Variants in ACP3 observed in about 807,000 individuals in gnomAD.
The protein encoded by ACP3 is prostatic acid phosphatase.
In ACP3, 38 loss-of-function variants were observed where a neutral mutation model predicts 45.6. The observed-to-expected ratio is 0.83, with a 90% CI of 0.64 to 1.09. ACP3 has a LOEUF of 1.09. ACP3 is among the 50% of genes least tolerant of loss of function. The pLI, the probability that ACP3 is intolerant of heterozygous loss-of-function variation, is 0.00. For synonymous variants in ACP3, 162 were observed against 164.7 expected, an observed-to-expected ratio of 0.98 and a Z score of 0.13; for missense variants, 466 against 463.2, an observed-to-expected ratio of 1.01 and a Z score of -0.05.
At chr3:132,361,835 C>T (rs752475686), downstream of ACP3, among the ~76,000 whole-genome samples, 1 of 152,210 alleles carries the variant, frequency 6.6e-6, no homozygotes, top group Non-Finnish European at 1.5e-5. Context: ...TTCCTCCCTG[C>T]ATGGGCTGAC....
exon 11 of ACP3, chr3:132,367,980 G>A (rs1235177361): frequency 1.1e-5 from 7 of 626,802 alleles, no homozygotes; most frequent in Middle Eastern, 4.3e-4. Context: ...GTGACCCACA[G>A]GCTGCTGCTG....
chr3:132,322,919 A>G, intron 1 of ACP3, among the ~76,000 whole-genome samples: 1 of 152,222 alleles, frequency 6.6e-6, no homozygotes, highest in East Asian at 1.9e-4. Context: ...CAGTGAGTCT[A>G]TCATAAAAAC....
At chr3:132,356,240 G>A (rs560177800) in intron 9 of ACP3, among the ~76,000 whole-genome samples, 6 of 152,046 alleles carry the variant, frequency 3.9e-5, no homozygotes, top group Admixed American at 6.5e-5. Flanking sequence ...GGAGAGGGGA[G>A]ATACATTCAG....
chr3:132,334,564 C>A (rs907021684), intron 4 of ACP3, among the ~76,000 whole-genome samples: 2 of 152,118 alleles, frequency 1.3e-5, no homozygotes, highest in African/African-American at 2.4e-5. Flanking sequence ...TACCACAGGG[C>A]CGTCGTTCAG....
At chr3:132,349,879 T>C in intron 7 of ACP3, 41 bp from the exon 8 acceptor site, 1 of 1,386,324 alleles carries the variant, frequency 7.2e-7, no homozygotes, top group Non-Finnish European at 1.0e-6. Flanking sequence ...AATAGAAGCT[T>C]ATGTTTGGTT....
In ACP3 at chr3:132,328,512, C is replaced by T. The variant is rs373576687; in HGVS notation, c.216+150C>T. The stretch of plus-strand genomic sequence containing the variant: ...TGGCCAACGTGGTGAAACCCTCTCT[C>T]TACTAAAAATACAAAAATTAGCCAG... On this transcript the variant is annotated intron_variant, in intron 2 of 9. Coordinates refer to ENST00000336375, the MANE Select transcript of ACP3 (RefSeq NM_001099.5). 4.6e-5 allele frequency: 24 copies of T among 524,856 alleles called. 2 individuals are homozygous for T. Among genetic ancestry groups the T allele is most frequent in the Admixed American group, 1.7e-4 (5 of 28,780 alleles). The allele number at this position is 524,856 out of a possible 1,614,324, so 32.5% of individuals were successfully genotyped here. A position where few individuals can be genotyped will look rare whatever the true frequency, so the allele number is the denominator to read the frequency against.
In ACP3 at chr3:132,337,258, T is replaced by C. The variant is rs1937507409; in HGVS notation, c.457-198T>C. 2.8e-5 allele frequency: 12 copies of C among 424,202 alleles called. No individual in the cohort carries two copies. The Admixed American group carries it at 4.6e-4, about 16-fold the overall frequency. The allele number at this position is 424,202 out of a possible 1,614,324, so 26.3% of individuals were successfully genotyped here. A position where few individuals can be genotyped will look rare whatever the true frequency, so the allele number is the denominator to read the frequency against. ...AAAAAAAAGGATTTTCAATTCTGAA[T>C]ACATATCCTACTATTTTAAGACCTA... On this transcript the variant is annotated intron_variant, in intron 4 of 9. Coordinates refer to ENST00000336375, the MANE Select transcript of ACP3 (RefSeq NM_001099.5).
At chr3:132,329,216 G>T (rs1175604361) in intron 2 of ACP3, among the ~76,000 whole-genome samples, 2 of 152,188 alleles carry the variant, frequency 1.3e-5, no homozygotes, top group African/African-American at 4.8e-5. Flanking sequence ...TTAAGAAAAT[G>T]TCACAGAATC....
intron 7 of ACP3, among the ~76,000 whole-genome samples, chr3:132,347,348 A>C (rs1937621266): frequency 6.6e-6 from 1 of 152,246 alleles, no homozygotes; most frequent in African/African-American, 2.4e-5. Context: ...AAACAGCTGC[A>C]CACATTCCTG....
intron 1 of ACP3, among the ~76,000 whole-genome samples, chr3:132,324,706 G>A (rs1937266238): frequency 6.6e-6 from 1 of 152,104 alleles, no homozygotes. Context: ...GCAGTGGCAC[G>A]ATCTCGGCTT....
In ACP3 at chr3:132,367,059, A is replaced by T. The variant is rs576349341; in HGVS notation, c.1139-645A>T. Among the ~76,000 whole-genome samples, 11 of 152,340 alleles carry T rather than the reference A, an allele frequency of 7.2e-5. No homozygotes were observed. The South Asian group carries it at 1.9e-3, about 26-fold the overall frequency. ...GAGATGGTACAAACTGGTATTTATG[A>T]TGTGTATACTATAGTGGACTAGGGT... is the stretch of plus-strand genomic sequence containing the variant. On this transcript the variant is annotated intron_variant, in intron 10 of 10. Coordinates refer to the ACP3 transcript ENST00000351273.
intron 8 of ACP3, among the ~76,000 whole-genome samples, chr3:132,352,438 T>A (rs1470685154): frequency 6.6e-6 from 1 of 151,544 alleles, no homozygotes; most frequent in Non-Finnish European, 1.5e-5. Context: ...CCTCAAGTGA[T>A]CCACCTGCCT....
rs569770369 is a variant in ACP3 at position 132,328,682 on chromosome 3, A to C, written c.216+320A>C. Among the ~76,000 whole-genome samples, 666 of 149,074 alleles carry C rather than the reference A, an allele frequency of 4.5e-3. 1 individual carries two copies. Among genetic ancestry groups the C allele is most frequent in the African/African-American group, 0.015 (629 of 40,780 alleles). On this transcript the variant is annotated intron_variant, in intron 2 of 9. Coordinates refer to ENST00000336375, the MANE Select transcript of ACP3 (RefSeq NM_001099.5). ...CAACAAGAGTAAAACTCTATCTCAAAAAAAAAAAAAAAAAAAAAAAGATTC... is the reference window on the plus strand; with the variant it reads ...CAACAAGAGTAAAACTCTATCTCAACAAAAAAAAAAAAAAAAAAAAGATTC...
At chr3:132,332,859 G>A (rs1241822014) in intron 4 of ACP3, among the ~76,000 whole-genome samples, 8 of 152,160 alleles carry the variant, frequency 5.3e-5, no homozygotes, top group Non-Finnish European at 8.8e-5. Flanking sequence ...ACTCTGAATG[G>A]ACAATATTCT....
intron 4 of ACP3, among the ~76,000 whole-genome samples, chr3:132,336,289 A>G (rs1225125240): frequency 6.6e-6 from 1 of 152,156 alleles, no homozygotes; most frequent in East Asian, 1.9e-4. Flanking sequence ...AAAAGGTATT[A>G]GTGTAACTGC....
chr3:132,357,774 C>G lies in ACP3; in HGVS notation c.*896C>G. 1.0e-6 allele frequency: 1 copy of G among 983,422 alleles called. No homozygotes were observed. Among genetic ancestry groups the G allele is most frequent in the Non-Finnish European group, 1.2e-6 (1 of 828,180 alleles). 60.9% of individuals were successfully genotyped at this position (983,422 alleles called of 1,614,324 possible). On this transcript the variant is annotated 3_prime_UTR_variant, in exon 10 of 10. Transcript: ENST00000336375. ...TAAGGCCAGGCATGGTGGTTTACGCCTATAATCCCAGCATTTTGGGAGTCC... is the reference window on the plus strand; with the variant it reads ...TAAGGCCAGGCATGGTGGTTTACGCGTATAATCCCAGCATTTTGGGAGTCC...
intron 4 of ACP3, among the ~76,000 whole-genome samples, chr3:132,336,177 G>A (rs901369597): frequency 6.6e-6 from 1 of 152,086 alleles, no homozygotes; most frequent in Middle Eastern, 3.2e-3. Flanking sequence ...GGAGAATGGC[G>A]TGAACCTGGG....
chr3:132,325,508 C>T (rs860264), intron 1 of ACP3, among the ~76,000 whole-genome samples: 52,999 of 151,496 alleles, frequency 0.35, 9,390 homozygotes, highest in Admixed American at 0.42. Context: ...GTTGCATAAC[C>T]TCAGTTCTAT....
chr3:132,350,530 T>C (rs1193382083), intron 8 of ACP3, among the ~76,000 whole-genome samples: 1 of 152,202 alleles, frequency 6.6e-6, no homozygotes, highest in African/African-American at 2.4e-5. Context: ...TAATTATGAT[T>C]AAGTAGAATG....
Sources: gnomAD v4.1 joint callset for allele counts (sites outside exome capture counted in the v4.1 genomes callset) on GRCh38, gnomAD v4.1.1 for gene constraint, MANE v1.5 for transcripts, NCBI Gene and HGNC (gene_info 2026-07-23, HGNC 2026-07-21) for gene names.